The following COMMD1 variants were observed in gnomAD, a reference collection of about 807,000 sequenced individuals.
COMMD1 encodes copper metabolism domain containing 1, also known as COMM domain-containing protein 1.
In COMMD1, 10 loss-of-function variants were observed where a neutral mutation model predicts 17.2. The ratio of observed to expected loss-of-function variants is 0.58; its 90% CI spans 0.36 to 0.99. COMMD1 has a LOEUF of 0.99. COMMD1 is among the 50% of genes least tolerant of loss of function. COMMD1 has a pLI of 0.01. For missense variants in COMMD1, 270 were observed against 231.8 expected, an observed-to-expected ratio of 1.17 and a Z score of -1.07; for synonymous variants, 97 against 91.6, an observed-to-expected ratio of 1.06 and a Z score of -0.34.
At chr2:61,918,551 T>G (rs1465841436) in intron 1 of COMMD1, 2 of 152,244 alleles carry the variant, frequency 1.3e-5, no homozygotes, top group African/African-American at 4.8e-5. Context: ...TAATCTATTT[T>G]TGGTTTTCCT....
chr2:62,075,641 T>G (rs1291685557), intron 2 of COMMD1, among the ~76,000 whole-genome samples: 1 of 152,232 alleles, frequency 6.6e-6, no homozygotes, highest in Admixed American at 6.5e-5. Context: ...TCATAATTCA[T>G]GAGGAACTAG....
At chr2:61,909,514 CA>C (rs1669852621) in intron 1 of COMMD1, among the ~76,000 whole-genome samples, 1 of 152,064 alleles carries the variant, frequency 6.6e-6, no homozygotes, top group Non-Finnish European at 1.5e-5. Flanking sequence ...AGGAAAAAAG[CA>C]GGTTCAGGAA....
chr2:61,902,794 A>C (rs187570908), upstream of COMMD1, among the ~76,000 whole-genome samples: 171 of 151,962 alleles, frequency 1.1e-3, no homozygotes, highest in Non-Finnish European at 2.1e-3. Flanking sequence ...GCAGTGAGCC[A>C]ACATCGTGCC....
At chr2:62,083,740 A>G (rs1016737704) in intron 2 of COMMD1, among the ~76,000 whole-genome samples, 4 of 152,252 alleles carry the variant, frequency 2.6e-5, no homozygotes, top group African/African-American at 7.2e-5. Flanking sequence ...GTTTTGCCCA[A>G]GGGGCAGAAG....
At chr2:62,130,100 G>A (rs1336893702) in intron 2 of COMMD1, among the ~76,000 whole-genome samples, 1 of 151,366 alleles carries the variant, frequency 6.6e-6, no homozygotes, top group African/African-American at 2.4e-5. Flanking sequence ...GCGTGAACCC[G>A]GGAGGCGGAG....
intron 2 of COMMD1, among the ~76,000 whole-genome samples, chr2:62,104,230 C>T (rs182670026): frequency 5.1e-4 from 77 of 152,240 alleles, no homozygotes; most frequent in East Asian, 4.6e-3. Flanking sequence ...CAGTGGCTTA[C>T]GCTTATAATC....
intron 2 of COMMD1, among the ~76,000 whole-genome samples, chr2:62,075,110 A>T (rs1310435337): frequency 6.6e-6 from 1 of 151,850 alleles, no homozygotes; most frequent in African/African-American, 2.4e-5. Context: ...GCTGGTCTCA[A>T]ACCCCTGACC....
intron 2 of COMMD1, among the ~76,000 whole-genome samples, chr2:62,119,298 G>A (rs1247062844): frequency 1.3e-5 from 2 of 152,166 alleles, no homozygotes; most frequent in African/African-American, 4.8e-5. Context: ...TAAAATTTCT[G>A]TTGCATGAGC....
rs181806347 is a variant in COMMD1, at chr2:62,071,138, T to C, written c.463-64693T>C. 2.0e-3 allele frequency among the ~76,000 whole-genome samples: 309 copies of C among 152,126 alleles called. 2 individuals are homozygous for C. Among genetic ancestry groups the C allele is most frequent in the African/African-American group, 7.0e-3 (290 of 41,502 alleles). On this transcript the variant is annotated intron_variant, in intron 2 of 2. Coordinates refer to ENST00000311832, the MANE Select transcript of COMMD1 (RefSeq NM_152516.4). ...TCTTGATTATATGCTAAACAAGGAG[T>C]GGATTATTCGTGAGTTTTCCGGGAA...
Position 62,009,035 on chromosome 2 carries a change from C to T in COMMD1, c.462+8053C>T, listed in dbSNP as rs772645090. Among the ~76,000 whole-genome samples the T allele has an allele frequency of 4.6e-5, 7 of 152,180 alleles. No homozygotes were observed. In the South Asian group the frequency reaches 6.2e-4, roughly 14 times the overall value. The stretch of plus-strand genomic sequence containing the variant: ...CTGACCTCAAGTGATACGCCCACCT[C>T]GGCCTCCCAAAGTGTTGGGATTACA... On this transcript the variant is annotated intron_variant, in intron 2 of 2. Coordinates refer to ENST00000311832, the MANE Select transcript of COMMD1 (RefSeq NM_152516.4).
At chr2:62,120,363 G>T (rs1672710884) in intron 2 of COMMD1, among the ~76,000 whole-genome samples, 1 of 147,964 alleles carries the variant, frequency 6.8e-6, no homozygotes, top group African/African-American at 2.5e-5. Flanking sequence ...ATTGTAGTTT[G>T]TTTATCAAAT....
At chr2:61,982,701 T>C (rs894880193) in intron 1 of COMMD1, among the ~76,000 whole-genome samples, 3 of 152,182 alleles carry the variant, frequency 2.0e-5, no homozygotes, top group Non-Finnish European at 4.4e-5. Context: ...GCACTAGCCA[T>C]CTCATCCCCG....
chr2:61,999,293 G>A (rs1435819834), intron 1 of COMMD1, among the ~76,000 whole-genome samples: 2 of 152,196 alleles, frequency 1.3e-5, no homozygotes, highest in African/African-American at 4.8e-5. Context: ...TTTAGTTACT[G>A]TGTCTTCTTG....
intron 1 of COMMD1, among the ~76,000 whole-genome samples, chr2:61,970,339 A>G (rs1225559011): frequency 6.6e-6 from 1 of 152,086 alleles, no homozygotes; most frequent in African/African-American, 2.4e-5. Context: ...AATTATTAAA[A>G]AGGATATACA....
At chr2:61,990,026 A>C (rs934241096) in intron 1 of COMMD1, among the ~76,000 whole-genome samples, 2 of 152,220 alleles carry the variant, frequency 1.3e-5, no homozygotes, top group Non-Finnish European at 2.9e-5. Flanking sequence ...TCTACATCGA[A>C]GCCTGAAGAA....
chr2:62,089,243 A>C (rs1671755905), intron 2 of COMMD1, among the ~76,000 whole-genome samples: 1 of 149,922 alleles, frequency 6.7e-6, no homozygotes, highest in African/African-American at 2.5e-5. Context: ...TACAAGGATG[A>C]CTTTGCAGGG....
At chr2:62,081,434 A>ACTCTACT (rs1453210154) in intron 2 of COMMD1, among the ~76,000 whole-genome samples, 8 of 91,842 alleles carry the variant, frequency 8.7e-5, no homozygotes, top group African/African-American at 4.3e-4. Flanking sequence ...TATTTTTAGT[A>ACTCTACT]GAGACGGGGT....
intron 1 of COMMD1, among the ~76,000 whole-genome samples, chr2:61,889,033 G>A (rs948018363): frequency 4.7e-5 from 7 of 150,290 alleles, no homozygotes; most frequent in Non-Finnish European, 3.0e-5. Flanking sequence ...CTCCCGAGTA[G>A]CTGGGATTAC....
At chr2:61,953,261 C>T (rs536647592) in intron 1 of COMMD1, among the ~76,000 whole-genome samples, 11 of 152,250 alleles carry the variant, frequency 7.2e-5, no homozygotes, top group Middle Eastern at 3.4e-3. Context: ...CTGCCAGCCT[C>T]GGCCTCCCAA....
Sources: allele counts gnomAD v4.1 joint callset (sites outside exome capture counted in the v4.1 genomes callset), GRCh38; gene constraint gnomAD v4.1.1; transcripts MANE v1.5; gene names NCBI Gene and HGNC (gene_info 2026-07-23, HGNC 2026-07-21).